GALNT5: variants seen among roughly 807,000 people sequenced by gnomAD.
GALNT5 encodes polypeptide N-acetylgalactosaminyltransferase 5.
Under a neutral mutation model 85.4 loss-of-function variants are expected in GALNT5, and 72 were observed. The observed-to-expected ratio is 0.84, with a 90% CI of 0.70 to 1.03. GALNT5 has a LOEUF of 1.03. GALNT5 is among the 50% of genes least tolerant of loss of function. The pLI is 0.00. For missense variants in GALNT5, 1,137 were observed against 1,135.5 expected, an observed-to-expected ratio of 1.00 and a Z score of -0.02; for synonymous variants, 404 against 397.0, an observed-to-expected ratio of 1.02 and a Z score of -0.21.
intron 9 of GALNT5, 22 bp from the exon 10 acceptor site, chr2:157,311,185 TC>T: frequency 1.3e-6 from 2 of 1,595,788 alleles, no homozygotes; most frequent in Non-Finnish European, 1.7e-6. Context: ...TGTGGCTCAT[TC>T]CCAGCTCTTC....
intron 1 of GALNT5, among the ~76,000 whole-genome samples, chr2:157,273,629 G>GTTTTTTTT (rs1682644348): frequency 7.9e-5 from 3 of 38,004 alleles, no homozygotes; most frequent in African/African-American, 7.2e-4. Context: ...CATATTTCTT[G>GTTTTTTTT]CTTTTTTTTT....
rs116181152 is a variant in GALNT5 at position 157,263,273 on chromosome 2, A to G, written c.1454+3737A>G. ...TTTCTCCAAGCTGGGCCCTTAGCAT[A>G]AGAAAAGCTAATCTCTTTGCTCTTC... On this transcript the variant is annotated intron_variant, in intron 1 of 9. Transcript: ENST00000259056. 4.1e-3 allele frequency among the ~76,000 whole-genome samples: 605 copies of G among 148,442 alleles called. 25 individuals are homozygous for G. The highest frequency in any genetic ancestry group is 0.015 in the African/African-American group (566 of 37,908).
intron 5 of GALNT5, chr2:157,299,169 A>G (rs1683284460): frequency 6.5e-6 from 1 of 154,822 alleles, no homozygotes; most frequent in Non-Finnish European, 1.4e-5. Flanking sequence ...AGTGTTGCAG[A>G]TTCTTAATAA....
intron 7 of GALNT5, chr2:157,301,346 A>C (rs2105163448): frequency 3.5e-6 from 1 of 287,742 alleles, no homozygotes; most frequent in South Asian, 4.2e-5. Context: ...GTCAAGTGTA[A>C]ATACAAAATA....
intron 3 of GALNT5, among the ~76,000 whole-genome samples, chr2:157,286,977 G>A (rs1321870462): frequency 6.7e-6 from 1 of 149,626 alleles, no homozygotes; most frequent in East Asian, 2.0e-4. Context: ...CAGTGACCAT[G>A]TTCTGAAATT....
In GALNT5 at chr2:157,259,497, T is replaced by A. The variant is rs1007418768; in HGVS notation, c.1415T>A (p.Ile472Asn). 22 of 1,421,866 alleles carry A rather than the reference T, an allele frequency of 1.5e-5. No individual in the cohort carries two copies. The highest frequency in any genetic ancestry group is 2.0e-5 in the Non-Finnish European group (22 of 1,081,386). 88.1% of individuals were successfully genotyped at this position (1,421,866 alleles called of 1,614,324 possible). The change falls in exon 1 of 10, where the codon ATC (isoleucine) becomes AAC (asparagine). Residue 472 changes from isoleucine to asparagine, a missense_variant. Physicochemically the swap from Ile to Asn is moderately radical, Grantham distance 149 (BLOSUM62 -3). Transcript: ENST00000259056. ...TTCAATGTCTACCTTAGCGATTTGA[T>A]CCCAGTGGATAGAGCCATTGAAGAC... ...GNFNVYLSDLIPVDRAIEDTR... is the reference protein window; with the variant it reads ...GNFNVYLSDLNPVDRAIEDTR...
At chr2:157,281,103 C>A (rs1356512247) in intron 1 of GALNT5, among the ~76,000 whole-genome samples, 1 of 152,170 alleles carries the variant, frequency 6.6e-6, no homozygotes, top group Non-Finnish European at 1.5e-5. Flanking sequence ...GTCACCCAGG[C>A]TGGAGTACAG....
chr2:157,279,199 G>A (rs959169446), intron 1 of GALNT5, among the ~76,000 whole-genome samples: 90 of 152,044 alleles, frequency 5.9e-4, no homozygotes, highest in South Asian at 3.3e-3. Context: ...CTGAAGCTTC[G>A]TCCCAGAGGG....
chr2:157,268,723 C>T (rs571912408), intron 1 of GALNT5, among the ~76,000 whole-genome samples: 1 of 152,260 alleles, frequency 6.6e-6, no homozygotes, highest in South Asian at 2.1e-4. Context: ...AGTGAAACTC[C>T]CCACATTAGA....
chr2:157,295,730 AAG>A lies in GALNT5; in HGVS notation c.1812_1813del (p.Arg604SerfsTer5). The A allele has an allele frequency of 6.2e-7, 1 of 1,611,004 alleles. No individual in the cohort carries two copies. The highest frequency in any genetic ancestry group is 2.2e-5 in the East Asian group (1 of 44,832). ...TTGGTTGGTTGGAACCTCTTCTGGA[AAG>A]AGTTTATTTAAGTAGAAAGAAAGTG... ...NVGWLEPLLE[R>X]VYLSRKKVAC... On this transcript the variant is annotated frameshift_variant, in exon 4 of 10. Transcript: ENST00000259056. LOFTEE classifies it high-confidence loss of function.
At chr2:157,275,637 C>T (rs958266149) in intron 1 of GALNT5, among the ~76,000 whole-genome samples, 8 of 151,974 alleles carry the variant, frequency 5.3e-5, no homozygotes, top group Admixed American at 3.3e-4. Context: ...GTCTGCTATT[C>T]GTGTATAGGA....
At chr2:157,262,922 G>T (rs572840262) in intron 1 of GALNT5, among the ~76,000 whole-genome samples, 1 of 148,168 alleles carries the variant, frequency 6.7e-6, no homozygotes, top group African/African-American at 2.6e-5. Flanking sequence ...CCGCCTCCGG[G>T]GTTCACACCA....
intron 1 of GALNT5, among the ~76,000 whole-genome samples, chr2:157,276,609 C>A (rs1682732528): frequency 6.6e-6 from 1 of 152,144 alleles, no homozygotes; most frequent in African/African-American, 2.4e-5. Context: ...AGTTTATTTG[C>A]ATAGAGGTGT....
intron 1 of GALNT5, among the ~76,000 whole-genome samples, chr2:157,263,293 C>T (rs940716938): frequency 6.6e-6 from 1 of 152,190 alleles, no homozygotes; most frequent in African/African-American, 2.4e-5. Context: ...AATCTCTTTG[C>T]TCTTCTCCAC....
At chr2:157,296,610 G>C in intron 5 of GALNT5, 97 bp downstream of exon 5, 7 of 857,322 alleles carry the variant, frequency 8.2e-6, no homozygotes, top group African/African-American at 1.7e-5. Flanking sequence ...TTATTCTATA[G>C]AACATTAAGA....
At position 157,259,118 on chromosome 2, in the gene GALNT5, A is replaced by G. The variant is rs147858531; in HGVS notation, c.1036A>G (p.Ile346Val). ...GGTCTCTAATTCTAAAACCAAAACA[A>G]TATTTCCTAAAGTATTGGGTAAAAG... ...KEVSNSKTKT[I>V]FPKVLGKSQS... Residue 346 changes from isoleucine (I) to valine (V), a missense_variant, in exon 1 of 10, where the codon ATA (isoleucine) becomes GTA (valine). Coordinates refer to ENST00000259056, the MANE Select transcript of GALNT5 (RefSeq NM_014568.3). The G allele has an allele frequency of 8.1e-6, 12 of 1,472,868 alleles. No homozygotes were observed. The South Asian group carries it at 1.6e-4, about 20-fold the overall frequency. 91.2% of individuals were successfully genotyped at this position (1,472,868 alleles called of 1,614,324 possible). A position where few individuals can be genotyped will look rare whatever the true frequency, so the allele number is the denominator to read the frequency against.
At chr2:157,260,437 C>T (rs1682311821) in intron 1 of GALNT5, among the ~76,000 whole-genome samples, 2 of 152,202 alleles carry the variant, frequency 1.3e-5, no homozygotes, top group South Asian at 4.1e-4. Context: ...AGATGTGGAT[C>T]AAAACATAGA....
At chr2:157,280,656 G>T (rs1217558281) in intron 1 of GALNT5, among the ~76,000 whole-genome samples, 3 of 152,258 alleles carry the variant, frequency 2.0e-5, no homozygotes, top group South Asian at 4.1e-4. Context: ...TATCATCCAA[G>T]GAATAGCCAA....
At chr2:157,295,878 A>G in intron 4 of GALNT5, 80 bp downstream of exon 4, 1 of 1,006,208 alleles carries the variant, frequency 9.9e-7, no homozygotes, top group African/African-American at 1.6e-5. Flanking sequence ...TATATGCCTA[A>G]TATGTGTGTT....
Sources: allele counts gnomAD v4.1 joint callset (sites outside exome capture counted in the v4.1 genomes callset), GRCh38; gene constraint gnomAD v4.1.1; transcripts MANE v1.5; gene names NCBI Gene and HGNC (gene_info 2026-07-23, HGNC 2026-07-21).